Variants in HCN1 observed in about 807,000 individuals in gnomAD.
The protein encoded by HCN1 is hyperpolarization activated cyclic nucleotide gated potassium channel 1.
A neutral mutation model predicts 78.9 loss-of-function variants in HCN1; 13 were observed. The observed-to-expected ratio is 0.16, with a 90% CI of 0.11 to 0.26. The LOEUF is 0.26. Ranked by LOEUF, HCN1 falls within the 10% of genes least tolerant of loss-of-function variation. HCN1 has a pLI of 1.00. For missense variants in HCN1, 810 were observed against 1,154.3 expected (o/e 0.70, Z 4.32); for synonymous variants, 552 against 455.5 (o/e 1.21, Z -2.70).
chr5:45,318,592 A>G (rs948915436), intron 5 of HCN1, among the ~76,000 whole-genome samples: 4 of 151,620 alleles, frequency 2.6e-5, no homozygotes, highest in African/African-American at 9.7e-5. Flanking sequence ...TAAAATAAAA[A>G]GAAAAGTATA....
intron 4 of HCN1, among the ~76,000 whole-genome samples, chr5:45,372,444 T>A (rs1478281778): frequency 1.6e-5 from 2 of 122,776 alleles, no homozygotes; most frequent in Non-Finnish European, 3.2e-5. Context: ...TACTTATATA[T>A]AAAAATATAT....
At chr5:45,541,048 T>C (rs572633076) in intron 2 of HCN1, among the ~76,000 whole-genome samples, 8 of 152,276 alleles carry the variant, frequency 5.3e-5, no homozygotes, top group African/African-American at 1.9e-4. Flanking sequence ...CACAAACTTA[T>C]TTTAGCCATG....
chr5:45,503,121 C>A (rs534696724), intron 2 of HCN1, among the ~76,000 whole-genome samples: 5 of 152,166 alleles, frequency 3.3e-5, no homozygotes, highest in Middle Eastern at 3.4e-3. Context: ...GGAAGGAGCA[C>A]GTGAATCAGA....
chr5:45,373,970 TACAG>T (rs1342234182), intron 4 of HCN1, among the ~76,000 whole-genome samples: 20 of 120,806 alleles, frequency 1.7e-4, no homozygotes, highest in African/African-American at 5.8e-4. Flanking sequence ...ATATATTACA[TACAG>T]TAGATACATA....
chr5:45,414,121 T>C (rs534105380), intron 3 of HCN1, among the ~76,000 whole-genome samples: 2 of 152,136 alleles, frequency 1.3e-5, no homozygotes, highest in East Asian at 1.9e-4. Context: ...TATTAGCCTA[T>C]CATAACATAA....
intron 6 of HCN1, among the ~76,000 whole-genome samples, chr5:45,272,891 G>A (rs1579770131): frequency 6.6e-6 from 1 of 152,018 alleles, no homozygotes; most frequent in African/African-American, 2.4e-5. Flanking sequence ...AACAGATTCA[G>A]TGCAGTTTAC....
intron 3 of HCN1, among the ~76,000 whole-genome samples, chr5:45,440,281 C>T (rs1023343135): frequency 6.6e-6 from 1 of 151,736 alleles, no homozygotes; most frequent in Non-Finnish European, 1.5e-5. Flanking sequence ...TGTAGAACTC[C>T]CAGGGTAAGA....
At chr5:45,668,831 A>T (rs1176871321) in intron 1 of HCN1, among the ~76,000 whole-genome samples, 1 of 151,910 alleles carries the variant, frequency 6.6e-6, no homozygotes, top group African/African-American at 2.4e-5. Flanking sequence ...TTTATAAAAA[A>T]AAAATTCTGC....
chr5:45,355,902 AT>A (rs1746998647), intron 4 of HCN1, among the ~76,000 whole-genome samples: 2 of 151,994 alleles, frequency 1.3e-5, no homozygotes, highest in African/African-American at 4.8e-5. Context: ...TGGCCAGTGA[AT>A]TTGGAAATTA....
intron 5 of HCN1, among the ~76,000 whole-genome samples, chr5:45,320,855 T>C (rs1746111111): frequency 6.6e-6 from 1 of 151,900 alleles, no homozygotes; most frequent in South Asian, 2.1e-4. Context: ...ATACATAGCA[T>C]GTACATTTCT....
chr5:45,521,621 A>T (rs1018383461), intron 2 of HCN1, among the ~76,000 whole-genome samples: 1 of 151,902 alleles, frequency 6.6e-6, no homozygotes, highest in Non-Finnish European at 1.5e-5. Flanking sequence ...CATGCCAATG[A>T]CCTCATTTTA....
intron 6 of HCN1, among the ~76,000 whole-genome samples, chr5:45,301,258 AG>A (rs1318445923): frequency 2.6e-5 from 4 of 151,148 alleles, no homozygotes; most frequent in African/African-American, 9.7e-5. Flanking sequence ...GGGGTAAAAA[AG>A]GGGGATAATA....
intron 2 of HCN1, among the ~76,000 whole-genome samples, chr5:45,475,849 G>A (rs1310033269): frequency 3.3e-5 from 5 of 152,118 alleles, no homozygotes; most frequent in African/African-American, 9.6e-5. Flanking sequence ...GTTTTAATAC[G>A]TCTACATCTA....
In HCN1 at chr5:45,347,882, C is replaced by T. The variant is rs557983305; in HGVS notation, c.1377+5218G>A. 3.9e-5 allele frequency among the ~76,000 whole-genome samples: 6 copies of T among 152,268 alleles called. No individual in the cohort carries two copies. The South Asian group carries it at 6.2e-4, about 16-fold the overall frequency. On this transcript the variant is annotated intron_variant, in intron 5 of 7. Transcript: ENST00000303230. Reference sequence around the variant, plus strand: ...GGATTATATGAAAAGACCAAATCTACGTCTGATTGGTGTACCTGAAAGTGA... The same window carrying T: ...GGATTATATGAAAAGACCAAATCTATGTCTGATTGGTGTACCTGAAAGTGA...
intron 2 of HCN1, 69 bp downstream of exon 2, chr5:45,645,115 GT>G: frequency 2.6e-6 from 3 of 1,166,472 alleles, no homozygotes; most frequent in South Asian, 2.6e-5. Context: ...TTGCACAGTT[GT>G]TCATTGTAAA....
At chr5:45,431,204 T>TCATATGA (rs1288328585) in intron 3 of HCN1, among the ~76,000 whole-genome samples, 16 of 152,328 alleles carry the variant, frequency 1.1e-4, no homozygotes, top group Admixed American at 1.0e-3. Context: ...TAATGTTGAA[T>TCATATGA]ACTTTTTCAT....
intron 6 of HCN1, among the ~76,000 whole-genome samples, chr5:45,296,827 TG>T (rs1276192774): frequency 6.6e-6 from 1 of 152,000 alleles, no homozygotes. Flanking sequence ...GAGAACTCAG[TG>T]TCCATAAATT....
At chr5:45,645,076 T>C in intron 2 of HCN1, 109 bp downstream of exon 2, 2 of 778,722 alleles carry the variant, frequency 2.6e-6, no homozygotes, top group South Asian at 1.7e-5. Context: ...TACATTTTTC[T>C]ACTTGAATTT....
At chr5:45,343,914 C>A (rs1319276842) in intron 5 of HCN1, among the ~76,000 whole-genome samples, 3 of 151,716 alleles carry the variant, frequency 2.0e-5, no homozygotes, top group Non-Finnish European at 2.9e-5. Flanking sequence ...TTGTTAACAG[C>A]ATAAAAAGTG....
Sources: gnomAD v4.1 joint callset for allele counts (sites outside exome capture counted in the v4.1 genomes callset) on GRCh38, gnomAD v4.1.1 for gene constraint, MANE v1.5 for transcripts, NCBI Gene and HGNC (gene_info 2026-07-23, HGNC 2026-07-21) for gene names.